The following RTTN variants were observed in gnomAD, a reference collection of about 807,000 sequenced individuals.
RTTN encodes the protein rotatin.
Under a neutral mutation model 269.2 loss-of-function variants are expected in RTTN, and 182 were observed. That is an observed-to-expected ratio of 0.68 (90% CI 0.60 to 0.76). RTTN has a LOEUF of 0.76. RTTN is among the 30% of genes least tolerant of loss of function. The probability of loss-of-function intolerance (pLI) is 0.00; values close to 1 mark genes in which losing one functional copy is unlikely to be tolerated. For missense variants in RTTN, 2,545 were observed against 2,608.6 expected (o/e 0.98, Z 0.53); for synonymous variants, 1,006 against 963.5 (o/e 1.04, Z -0.82).
At chr18:70,190,993 G>T (rs1271185592) in intron 8 of RTTN, among the ~76,000 whole-genome samples, 2 of 152,014 alleles carry the variant, frequency 1.3e-5, no homozygotes, top group Non-Finnish European at 2.9e-5. Flanking sequence ...TTCAAGACCA[G>T]CCTGGCCAAC....
At position 70,049,367 on chromosome 18, in the gene RTTN, A is replaced by G. The variant is rs183340193; in HGVS notation, c.5324-1179T>C. Among the ~76,000 whole-genome samples the G allele has an allele frequency of 2.0e-5, 3 of 152,298 alleles. No homozygotes were observed. The East Asian group carries it at 5.8e-4, about 29-fold the overall frequency. On this transcript the variant is annotated intron_variant, in intron 39 of 48. Transcript: ENST00000640769. ...CCAATAAATACAAGAAGAAAATCCC[A>G]ATGTCTTAATCAGTCAATCTCTTTC...
In RTTN at chr18:70,064,203, C is replaced by T. The variant is rs8087901; in HGVS notation, c.4747+1626G>A. Among the ~76,000 whole-genome samples, 607 of 150,522 alleles carry T rather than the reference C, an allele frequency of 4.0e-3. 6 individuals are homozygous for T. The highest frequency in any genetic ancestry group is 0.014 in the African/African-American group (565 of 41,070). ...AAATACAAAAATTAGGCAGGTGTAC[C>T]GGCACACCTCTGTAATCCCAGCTAC... On this transcript the variant is annotated intron_variant, in intron 35 of 48. Coordinates refer to ENST00000640769, the MANE Select transcript of RTTN (RefSeq NM_173630.4).
chr18:70,029,926 C>T (rs1207436794), intron 42 of RTTN, 86 bp downstream of exon 42: 17 of 868,752 alleles, frequency 2.0e-5, no homozygotes, highest in Middle Eastern at 4.5e-4. Flanking sequence ...ATGAGACACT[C>T]ATTTCAAGCT....
chr18:70,017,367 A>G, intron 46 of RTTN, 40 bp downstream of exon 46: 5 of 1,573,020 alleles, frequency 3.2e-6, no homozygotes, highest in Non-Finnish European at 4.3e-6. Flanking sequence ...CAGTCTATGA[A>G]TAACTACATA....
intron 2 of RTTN, among the ~76,000 whole-genome samples, chr18:70,204,876 A>C (rs1246264839): frequency 2.0e-5 from 3 of 152,220 alleles, no homozygotes; most frequent in African/African-American, 4.8e-5. Flanking sequence ...TCCAAAGATA[A>C]CTCAAAAACA....
intron 8 of RTTN, 75 bp downstream of exon 8, chr18:70,193,213 A>G: frequency 8.1e-7 from 1 of 1,229,060 alleles, no homozygotes; most frequent in Non-Finnish European, 1.1e-6. Flanking sequence ...AAAAATAATT[A>G]TCTCCTTCTG....
chr18:70,135,081 TAAG>T, intron 22 of RTTN, 100 bp downstream of exon 22: 1 of 645,318 alleles, frequency 1.5e-6, no homozygotes. Flanking sequence ...ATGGACAGCA[TAAG>T]CTTCGTAAAT....
At chr18:70,057,888 G>T in intron 36 of RTTN, 56 bp from the exon 37 acceptor site, 1 of 1,247,382 alleles carries the variant, frequency 8.0e-7, no homozygotes. Context: ...TTTTATTAAA[G>T]ATTAAGAAAT....
intron 14 of RTTN, among the ~76,000 whole-genome samples, chr18:70,151,599 C>A (rs993873082): frequency 2.0e-5 from 3 of 152,116 alleles, no homozygotes; most frequent in Middle Eastern, 3.4e-3. Flanking sequence ...ATTTTTCTTT[C>A]AACTGTTAAC....
chr18:70,054,311 T>C (rs905957773), intron 37 of RTTN, 27 bp from the exon 38 acceptor site: 1 of 1,581,410 alleles, frequency 6.3e-7, no homozygotes, highest in Non-Finnish European at 8.6e-7. Context: ...CAGGGTCAAA[T>C]CAAACATGCC....
At chr18:70,189,142 G>A (rs1253201709) in intron 9 of RTTN, among the ~76,000 whole-genome samples, 1 of 152,150 alleles carries the variant, frequency 6.6e-6, no homozygotes, top group Non-Finnish European at 1.5e-5. Flanking sequence ...GTCTAAGACT[G>A]TTCTTCTCAG....
intron 34 of RTTN, among the ~76,000 whole-genome samples, chr18:70,070,998 T>C (rs2058280184): frequency 6.6e-6 from 1 of 152,200 alleles, no homozygotes; most frequent in Non-Finnish European, 1.5e-5. Context: ...CATTTCATCT[T>C]TCCCTCTAAA....
chr18:70,076,463 T>A (rs1014795768), intron 32 of RTTN, among the ~76,000 whole-genome samples: 1 of 152,056 alleles, frequency 6.6e-6, no homozygotes, highest in African/African-American at 2.4e-5. Context: ...AGAAGATGGA[T>A]ATTTTAACTT....
chr18:70,184,199 A>G (rs560118203), intron 10 of RTTN, among the ~76,000 whole-genome samples: 1 of 152,350 alleles, frequency 6.6e-6, no homozygotes, highest in South Asian at 2.1e-4. Context: ...CCAAAACTGA[A>G]ATACTCAAAT....
intron 14 of RTTN, among the ~76,000 whole-genome samples, chr18:70,156,380 A>T (rs1381775514): frequency 6.6e-6 from 1 of 152,156 alleles, no homozygotes; most frequent in Non-Finnish European, 1.5e-5. Context: ...CCCATCTAAT[A>T]AATTTTGGTC....
chr18:70,127,933 T>G, intron 24 of RTTN, 192 bp from the exon 25 acceptor site: 1 of 578,210 alleles, frequency 1.7e-6, no homozygotes. Flanking sequence ...ATCCCAAATG[T>G]TTATATTGAC....
chr18:70,105,220 G>A (rs556324483), intron 28 of RTTN, among the ~76,000 whole-genome samples: 22 of 152,256 alleles, frequency 1.4e-4, no homozygotes, highest in African/African-American at 4.3e-4. Flanking sequence ...CCCCAGCCTC[G>A]CTGCCACCTT....
intron 14 of RTTN, among the ~76,000 whole-genome samples, chr18:70,155,599 C>A (rs1183160434): frequency 6.6e-6 from 1 of 152,192 alleles, no homozygotes; most frequent in African/African-American, 2.4e-5. Flanking sequence ...CCTGCACAGA[C>A]CTTTGAGTTG....
At chr18:70,127,434 G>T (rs1227314245) in intron 25 of RTTN, 68 bp downstream of exon 25, 11 of 1,551,332 alleles carry the variant, frequency 7.1e-6, no homozygotes, top group Admixed American at 1.8e-5. Context: ...ATCTTCAAAG[G>T]TTAGGAGATG....
Sources: gnomAD v4.1 joint callset for allele counts (sites outside exome capture counted in the v4.1 genomes callset) on GRCh38, gnomAD v4.1.1 for gene constraint, MANE v1.5 for transcripts, NCBI Gene and HGNC (gene_info 2026-07-23, HGNC 2026-07-21) for gene names.